Variants in CTNNA2 observed in about 807,000 individuals in gnomAD.
The protein encoded by CTNNA2 is catenin alpha 2.
In CTNNA2, 42 loss-of-function variants were observed where a neutral mutation model predicts 101.0. That is an observed-to-expected ratio of 0.42 (90% CI 0.32 to 0.54). The LOEUF is 0.54. Ranked by LOEUF, CTNNA2 falls within the 20% of genes least tolerant of loss-of-function variation. The pLI, the probability that CTNNA2 is intolerant of heterozygous loss-of-function variation, is 0.14. For synonymous variants in CTNNA2, 450 were observed against 456.4 expected (o/e 0.99, Z 0.18); for missense variants, 871 against 1,223.1 (o/e 0.71, Z 4.29).
At chr2:80,165,579 A>G (rs1704626600) in intron 7 of CTNNA2, among the ~76,000 whole-genome samples, 1 of 152,098 alleles carries the variant, frequency 6.6e-6, no homozygotes, top group African/African-American at 2.4e-5. Flanking sequence ...GTCTCTGTTG[A>G]CATGTAAGTG....
chr2:80,589,860 C>CTGTGTGTGTG (rs59206973), intron 15 of CTNNA2, among the ~76,000 whole-genome samples: 65 of 140,576 alleles, frequency 4.6e-4, no homozygotes, highest in South Asian at 1.6e-3. Context: ...ATATGTACCT[C>CTGTGTGTGTG]TGTGTGTGTG....
intron 3 of CTNNA2, among the ~76,000 whole-genome samples, chr2:79,804,342 A>G (rs964978671): frequency 6.6e-6 from 1 of 152,142 alleles, no homozygotes; most frequent in African/African-American, 2.4e-5. Context: ...AACACTGCTG[A>G]TTTTCTTCTC....
intron 4 of CTNNA2, among the ~76,000 whole-genome samples, chr2:79,400,939 A>G (rs564612124): frequency 1.3e-5 from 2 of 152,136 alleles, no homozygotes; most frequent in East Asian, 1.9e-4. Context: ...TGAGATTAAC[A>G]AAAGACTTCT....
chr2:79,375,953 T>C (rs1299817853), intron 4 of CTNNA2, among the ~76,000 whole-genome samples: 1 of 152,128 alleles, frequency 6.6e-6, no homozygotes, highest in African/African-American at 2.4e-5. Flanking sequence ...TATGAAGAGA[T>C]GAGCTGAGCC....
At chr2:79,653,833 A>G (rs984983208) in intron 2 of CTNNA2, among the ~76,000 whole-genome samples, 1 of 152,216 alleles carries the variant, frequency 6.6e-6, no homozygotes, top group African/African-American at 2.4e-5. Flanking sequence ...TCAGCTAAAT[A>G]TGTAAGTTCA....
chr2:79,611,646 G>A (rs771603809), intron 1 of CTNNA2, among the ~76,000 whole-genome samples: 6 of 152,100 alleles, frequency 3.9e-5, no homozygotes, highest in Non-Finnish European at 8.8e-5. Flanking sequence ...GGAGTTTATT[G>A]GGCAGGGTAG....
intron 3 of CTNNA2, among the ~76,000 whole-genome samples, chr2:79,822,630 C>T (rs1393516549): frequency 5.3e-5 from 8 of 152,122 alleles, no homozygotes; most frequent in Non-Finnish European, 7.4e-5. Flanking sequence ...TTTCTACCCT[C>T]AGCACCTCCA....
intron 2 of CTNNA2, among the ~76,000 whole-genome samples, chr2:79,718,824 GT>G (rs759268135): frequency 1.1e-3 from 157 of 140,214 alleles, no homozygotes; most frequent in Middle Eastern, 3.8e-3. Context: ...TTTCCCACTT[GT>G]TTTTTTTTTT....
chr2:80,442,861 C>T (rs950794388), intron 9 of CTNNA2, among the ~76,000 whole-genome samples: 1 of 152,146 alleles, frequency 6.6e-6, no homozygotes, highest in South Asian at 2.1e-4. Context: ...TAATTAATCT[C>T]CAGACAGCTC....
intron 7 of CTNNA2, among the ~76,000 whole-genome samples, chr2:80,340,597 A>C (rs1322834179): frequency 6.6e-6 from 1 of 152,202 alleles, no homozygotes; most frequent in African/African-American, 2.4e-5. Flanking sequence ...TTAGCCATAC[A>C]ATGATGATCA....
At chr2:80,035,027 A>G (rs1574597455) in intron 7 of CTNNA2, among the ~76,000 whole-genome samples, 1 of 152,348 alleles carries the variant, frequency 6.6e-6, no homozygotes, top group Admixed American at 6.5e-5. Flanking sequence ...GGAAAAATCC[A>G]GTGTCCATCA....
chr2:80,033,117 C>T (rs545416775), intron 7 of CTNNA2, among the ~76,000 whole-genome samples: 1 of 145,388 alleles, frequency 6.9e-6, no homozygotes, highest in African/African-American at 2.6e-5. Context: ...CACCATTGCA[C>T]TCCAGCCTGG....
At chr2:80,034,835 A>G (rs1695546324) in intron 7 of CTNNA2, among the ~76,000 whole-genome samples, 1 of 152,158 alleles carries the variant, frequency 6.6e-6, no homozygotes, top group Non-Finnish European at 1.5e-5. Context: ...GGGAGCATAA[A>G]TCTGCACAAC....
intron 7 of CTNNA2, among the ~76,000 whole-genome samples, chr2:80,155,798 T>C (rs940159166): frequency 1.6e-4 from 25 of 152,226 alleles, no homozygotes; most frequent in African/African-American, 5.5e-4. Context: ...TTTTTCTGTC[T>C]GCTCACATTC....
chr2:80,523,930 A>G (rs1689798479), intron 9 of CTNNA2, among the ~76,000 whole-genome samples: 1 of 152,154 alleles, frequency 6.6e-6, no homozygotes, highest in East Asian at 1.9e-4. Context: ...AGATGATGTG[A>G]GGCATGACTT....
chr2:79,668,958 A>C (rs2104571435), intron 2 of CTNNA2, among the ~76,000 whole-genome samples: 1 of 152,332 alleles, frequency 6.6e-6, no homozygotes, highest in South Asian at 2.1e-4. Context: ...AGGTGGATGT[A>C]GTTTTTGCAA....
At chr2:80,411,282 CT>C (rs34703746) in intron 8 of CTNNA2, among the ~76,000 whole-genome samples, 4 of 151,416 alleles carry the variant, frequency 2.6e-5, no homozygotes, top group South Asian at 2.1e-4. Context: ...ACAAGTTCTC[CT>C]TTTTTTTTCC....
At chr2:80,609,641 C>T (rs1015507567) in intron 17 of CTNNA2, among the ~76,000 whole-genome samples, 1 of 151,772 alleles carries the variant, frequency 6.6e-6, no homozygotes, top group Admixed American at 6.6e-5. Flanking sequence ...TTATCTTCAG[C>T]CTTGATGGTA....
At chr2:80,341,174 G>T (rs1672203934) in intron 7 of CTNNA2, among the ~76,000 whole-genome samples, 2 of 151,900 alleles carry the variant, frequency 1.3e-5, no homozygotes, top group South Asian at 4.2e-4. Flanking sequence ...TTTTAATGGA[G>T]GTTTCATCAT....
Sources: allele counts gnomAD v4.1 joint callset (sites outside exome capture counted in the v4.1 genomes callset), GRCh38; gene constraint gnomAD v4.1.1; transcripts MANE v1.5; gene names NCBI Gene and HGNC (gene_info 2026-07-23, HGNC 2026-07-21).